The following CRYL1 variants were observed in gnomAD, a reference collection of about 807,000 sequenced individuals.
The protein encoded by CRYL1 is crystallin lambda 1.
CRYL1 carries 29 observed loss-of-function variants against 36.6 expected under a neutral mutation model. That is an observed-to-expected ratio of 0.79 (90% CI 0.59 to 1.08). The LOEUF is 1.08. CRYL1 is among the 50% of genes least tolerant of loss of function. The pLI, the probability that CRYL1 is intolerant of heterozygous loss-of-function variation, is 0.00. For synonymous variants in CRYL1, 152 were observed against 151.5 expected, an observed-to-expected ratio of 1.00 and a Z score of -0.02; for missense variants, 411 against 407.9, an observed-to-expected ratio of 1.01 and a Z score of -0.06.
At chr13:20,412,611 C>T (rs1565955534) in intron 6 of CRYL1, among the ~76,000 whole-genome samples, 1 of 152,142 alleles carries the variant, frequency 6.6e-6, no homozygotes, top group Non-Finnish European at 1.5e-5. Flanking sequence ...ATGACATTTT[C>T]TTTTTGGATC....
intron 5 of CRYL1, chr13:20,430,221 A>G (rs569391297): frequency 1.0e-6 from 1 of 984,536 alleles, no homozygotes; most frequent in East Asian, 1.1e-4. Context: ...ACTTTCACCA[A>G]GGTAATTCTT....
At chr13:20,500,808 C>T (rs2033688542) in intron 2 of CRYL1, among the ~76,000 whole-genome samples, 3 of 152,106 alleles carry the variant, frequency 2.0e-5, no homozygotes, top group Admixed American at 6.6e-5. Context: ...GACTGAAACC[C>T]ACTCAATTTT....
intron 1 of CRYL1, among the ~76,000 whole-genome samples, chr13:20,513,160 A>C (rs1358894590): frequency 1.3e-5 from 2 of 152,082 alleles, no homozygotes; most frequent in Non-Finnish European, 2.9e-5. Context: ...TGAGCCCTCA[A>C]CTCCAGTGCT....
chr13:20,503,297 C>A (rs758488686), intron 2 of CRYL1, among the ~76,000 whole-genome samples: 2 of 152,226 alleles, frequency 1.3e-5, no homozygotes, highest in Non-Finnish European at 2.9e-5. Flanking sequence ...CTGCCATGAA[C>A]TTTGGGCAAC....
intron 4 of CRYL1, among the ~76,000 whole-genome samples, chr13:20,438,880 C>T (rs1376220091): frequency 6.6e-6 from 1 of 152,244 alleles, no homozygotes; most frequent in Non-Finnish European, 1.5e-5. Flanking sequence ...TTCACTGAAT[C>T]TCCTCTCTCA....
chr13:20,404,773 C>T, intron 6 of CRYL1, 32 bp from the exon 7 acceptor site: 1 of 1,433,994 alleles, frequency 7.0e-7, no homozygotes, highest in South Asian at 1.2e-5. Context: ...AATCCACAAT[C>T]TCAGAAAAAA....
intron 3 of CRYL1, among the ~76,000 whole-genome samples, chr13:20,456,466 C>A (rs2032685255): frequency 7.1e-6 from 1 of 141,748 alleles, no homozygotes; most frequent in African/African-American, 2.6e-5. Flanking sequence ...CAGAGTGAGA[C>A]TCCGTCTCAA....
chr13:20,520,453 A>G (rs2034072999), intron 1 of CRYL1, among the ~76,000 whole-genome samples: 1 of 152,116 alleles, frequency 6.6e-6, no homozygotes, highest in South Asian at 2.1e-4. Context: ...GCTCAGGGAA[A>G]GGCAGCCCCC....
rs769132078 is a variant in CRYL1 at position 20,415,385 on chromosome 13, A to G, written c.634-1998T>C. 5.0e-4 allele frequency among the ~76,000 whole-genome samples: 76 copies of G among 151,916 alleles called. No individual in the cohort carries two copies. The Middle Eastern group carries it at 0.014, about 27-fold the overall frequency. On this transcript the variant is annotated intron_variant, in intron 5 of 7. Coordinates refer to ENST00000298248, the MANE Select transcript of CRYL1 (RefSeq NM_015974.3). The surrounding 1 kb of genome is among the most constrained non-coding windows in gnomAD (Gnocchi z 4.1). ...TTCGAAACCCCCGCCGTGCCCCGCA[A>G]CCGGCTGCGGCGGGCGACAGCCAGG...
chr13:20,438,817 C>G (rs1002480059), intron 4 of CRYL1, among the ~76,000 whole-genome samples: 2 of 152,218 alleles, frequency 1.3e-5, no homozygotes, highest in African/African-American at 4.8e-5. Context: ...TTCTAACAGG[C>G]AGTCCTGGTC....
intron 5 of CRYL1, among the ~76,000 whole-genome samples, chr13:20,428,053 T>C (rs1020293853): frequency 4.6e-5 from 7 of 152,304 alleles, no homozygotes; most frequent in Middle Eastern, 3.4e-3. Flanking sequence ...AACCCCACCC[T>C]GGCCCGGATG....
chr13:20,409,848 A>T (rs2031474107), intron 6 of CRYL1, among the ~76,000 whole-genome samples: 1 of 152,194 alleles, frequency 6.6e-6, no homozygotes, highest in Non-Finnish European at 1.5e-5. Flanking sequence ...ATCTCACACC[A>T]GTTAGAATGG....
rs2137455595 is a variant in CRYL1 at position 20,477,504 on chromosome 13, C to T, written c.276+11866G>A. On this transcript the variant is annotated intron_variant, in intron 3 of 7. Coordinates refer to ENST00000298248, the MANE Select transcript of CRYL1 (RefSeq NM_015974.3). ...GGCATGGAATAAATACTAGCACCCA[C>T]TTTACATGGGCGTCCTGAGGACTGA... 2.0e-5 allele frequency among the ~76,000 whole-genome samples: 3 copies of T among 150,798 alleles called. No individual in the cohort carries two copies. The Middle Eastern group carries it at 0.011, about 535-fold the overall frequency.
chr13:20,493,608 C>G (rs187509559), intron 2 of CRYL1, among the ~76,000 whole-genome samples: 253 of 152,124 alleles, frequency 1.7e-3, no homozygotes, highest in Middle Eastern at 3.4e-3. Flanking sequence ...TTCAGTGAGC[C>G]GAGATCACGC....
At chr13:20,509,444 T>G (rs1374184301) in intron 2 of CRYL1, among the ~76,000 whole-genome samples, 1 of 152,142 alleles carries the variant, frequency 6.6e-6, no homozygotes, top group Non-Finnish European at 1.5e-5. Context: ...AATCTCAGGA[T>G]CCTTCATAAA....
chr13:20,477,667 A>C (rs2033191266), intron 3 of CRYL1, among the ~76,000 whole-genome samples: 1 of 146,866 alleles, frequency 6.8e-6, no homozygotes, highest in South Asian at 2.1e-4. Flanking sequence ...TTTAAAATTA[A>C]ATATATAAAA....
intron 2 of CRYL1, among the ~76,000 whole-genome samples, chr13:20,509,554 C>CA (rs896017796): frequency 1.3e-5 from 2 of 152,074 alleles, no homozygotes; most frequent in Admixed American, 6.5e-5. Context: ...AAGTACTACT[C>CA]AAAGAAGATA....
At position 20,431,691 on chromosome 13, in the gene CRYL1, T is replaced by C; in HGVS notation, c.633+411A>G. ...CTTCTTCCTCAAGCTCTTGAAACAA[T>C]TAGGTTCCTTCAGGAGACAGAAGTT... On this transcript the variant is annotated intron_variant, in intron 5 of 7. Transcript: ENST00000298248. The C allele has an allele frequency of 3.6e-6, 4 of 1,119,544 alleles. No individual in the cohort carries two copies. The South Asian group carries it at 9.1e-5, about 25-fold the overall frequency. The allele number at this position is 1,119,544 out of a possible 1,614,324, so 69.4% of individuals were successfully genotyped here.
At chr13:20,429,346 G>T (rs1350610531) in intron 5 of CRYL1, among the ~76,000 whole-genome samples, 2 of 152,178 alleles carry the variant, frequency 1.3e-5, no homozygotes, top group Non-Finnish European at 2.9e-5. Flanking sequence ...AGTTCATCTG[G>T]CTTGGAAGTT....
Sources: gnomAD v4.1 joint callset for allele counts (sites outside exome capture counted in the v4.1 genomes callset) on GRCh38, gnomAD v4.1.1 for gene constraint, Gnocchi (gnomAD v3.1) non-coding constraint, MANE v1.5 for transcripts, NCBI Gene and HGNC (gene_info 2026-07-23, HGNC 2026-07-21) for gene names.